The following RPL39L variants were observed in gnomAD, a reference collection of about 807,000 sequenced individuals.
The protein encoded by RPL39L is ribosomal protein L39 like.
For synonymous variants in RPL39L, 16 were observed against 20.1 expected (o/e 0.80, Z 0.55); for missense variants, 48 against 58.9 (o/e 0.81, Z 0.61).
chr3:187,125,412 TG>T (rs1459186958), intron 2 of RPL39L, among the ~76,000 whole-genome samples: 2 of 152,220 alleles, frequency 1.3e-5, no homozygotes, highest in East Asian at 3.9e-4. Flanking sequence ...ACTTAAGAAG[TG>T]TCATGGCTGG....
At chr3:187,134,390 T>C (rs73189770) in intron 1 of RPL39L, among the ~76,000 whole-genome samples, 1,728 of 150,210 alleles carry the variant, frequency 0.012, 14 homozygotes, top group Non-Finnish European at 0.019. Context: ...GGGATGCTGC[T>C]GAACATCCTA....
intron 2 of RPL39L, among the ~76,000 whole-genome samples, chr3:187,126,011 A>C (rs993036107): frequency 6.6e-6 from 1 of 152,206 alleles, no homozygotes; most frequent in Admixed American, 6.5e-5. Context: ...ATAAGGTTAA[A>C]GGTCATAAAA....
rs1417365795 is a variant in RPL39L at position 187,126,455 on chromosome 3, C to A, written c.-29+1544G>T. Among the ~76,000 whole-genome samples the A allele has an allele frequency of 2.0e-5, 3 of 152,116 alleles. No individual in the cohort carries two copies. In the East Asian group the frequency reaches 5.8e-4, roughly 29 times the overall value. On this transcript the variant is annotated intron_variant, in intron 2 of 2. Transcript: ENST00000296277. Reference sequence around the variant, plus strand: ...CTGGGATTACAGGCTTGAGCCACCACGCCCGGCCCATCTATTGCTTTTTAA... The same window carrying A: ...CTGGGATTACAGGCTTGAGCCACCAAGCCCGGCCCATCTATTGCTTTTTAA...
intron 1 of RPL39L, among the ~76,000 whole-genome samples, chr3:187,135,570 AACC>A (rs1327537142): frequency 2.0e-5 from 3 of 152,144 alleles, no homozygotes; most frequent in African/African-American, 7.2e-5. Context: ...AAGCGCAATA[AACC>A]TCCTTCTTTT....
chr3:187,126,164 CTTT>C (rs201902572), intron 2 of RPL39L, among the ~76,000 whole-genome samples: 2 of 140,586 alleles, frequency 1.4e-5, no homozygotes, highest in Non-Finnish European at 1.6e-5. Context: ...CTATTGGTTT[CTTT>C]TTTTTTTTTT....
chr3:187,138,302 A>G (rs1190534000), intron 1 of RPL39L, among the ~76,000 whole-genome samples: 2 of 152,206 alleles, frequency 1.3e-5, no homozygotes, highest in Non-Finnish European at 2.9e-5. Context: ...AGAGCAAGAA[A>G]GTAAGTACAG....
chr3:187,138,748 C>A (rs1264588066), intron 1 of RPL39L, among the ~76,000 whole-genome samples: 2 of 152,112 alleles, frequency 1.3e-5, no homozygotes, highest in African/African-American at 4.8e-5. Flanking sequence ...ACAGGGGGTG[C>A]CTGAGTGGCC....
intron 1 of RPL39L, among the ~76,000 whole-genome samples, chr3:187,134,760 G>A (rs1720546834): frequency 6.6e-6 from 1 of 152,084 alleles, no homozygotes; most frequent in East Asian, 1.9e-4. Flanking sequence ...AAAACTACAG[G>A]CCCAAATGGC....
intron 1 of RPL39L, among the ~76,000 whole-genome samples, chr3:187,137,699 G>C (rs1720608092): frequency 1.3e-5 from 2 of 151,496 alleles, no homozygotes; most frequent in South Asian, 2.1e-4. Flanking sequence ...GGCAGGCACA[G>C]CTACCACAAT....
At chr3:187,132,552 T>A (rs768221681) in intron 1 of RPL39L, among the ~76,000 whole-genome samples, 21 of 152,222 alleles carry the variant, frequency 1.4e-4, no homozygotes, top group Non-Finnish European at 2.5e-4. Flanking sequence ...TTCGGGAATA[T>A]TTCACAAGAA....
intron 2 of RPL39L, among the ~76,000 whole-genome samples, chr3:187,126,761 C>T (rs1240810114): frequency 1.3e-5 from 2 of 152,170 alleles, no homozygotes; most frequent in African/African-American, 2.4e-5. Context: ...AATCCCAGAA[C>T]ATTAGGACCT....
intron 1 of RPL39L, among the ~76,000 whole-genome samples, chr3:187,130,145 A>T (rs1720462207): frequency 6.6e-6 from 1 of 152,206 alleles, no homozygotes; most frequent in Non-Finnish European, 1.5e-5. Context: ...TTTCCTATGT[A>T]TCCTCTTACA....
At chr3:187,135,068 C>T (rs74844010) in intron 1 of RPL39L, among the ~76,000 whole-genome samples, 3,516 of 152,286 alleles carry the variant, frequency 0.023, 66 homozygotes, top group Middle Eastern at 0.054. Flanking sequence ...AAGGCTTTTT[C>T]GCTTAAAGCT....
intron 1 of RPL39L, among the ~76,000 whole-genome samples, chr3:187,131,042 C>A (rs769090689): frequency 2.2e-4 from 34 of 152,332 alleles, no homozygotes; most frequent in Non-Finnish European, 4.6e-4. Flanking sequence ...TTCTCTACAT[C>A]CTTGGTTGGC....
chr3:187,133,476 G>A (rs983424614), intron 1 of RPL39L, among the ~76,000 whole-genome samples: 3 of 152,118 alleles, frequency 2.0e-5, no homozygotes, highest in African/African-American at 7.2e-5. Context: ...ATGTGGAACT[G>A]GTAATTTATA....
At chr3:187,121,862 TCTAA>T (rs1407485469) in intron 2 of RPL39L, among the ~76,000 whole-genome samples, 2 of 152,248 alleles carry the variant, frequency 1.3e-5, no homozygotes, top group East Asian at 3.8e-4. Flanking sequence ...CTACAACTTA[TCTAA>T]CTAATATGTG....
intron 2 of RPL39L, among the ~76,000 whole-genome samples, chr3:187,122,511 T>C (rs988788274): frequency 6.6e-6 from 1 of 152,200 alleles, no homozygotes; most frequent in South Asian, 2.1e-4. Flanking sequence ...CAAGCTATTA[T>C]CTTGGTTTCT....
intron 1 of RPL39L, among the ~76,000 whole-genome samples, chr3:187,133,101 C>T (rs1159284695): frequency 1.3e-5 from 2 of 152,206 alleles, no homozygotes; most frequent in Non-Finnish European, 2.9e-5. Context: ...CACTTTCAGT[C>T]TCTCTTCCAT....
At chr3:187,128,947 T>C (rs1038007223) in intron 1 of RPL39L, among the ~76,000 whole-genome samples, 3 of 152,208 alleles carry the variant, frequency 2.0e-5, no homozygotes, top group Non-Finnish European at 4.4e-5. Flanking sequence ...CTCAGCACTA[T>C]TGTACCTCTT....
Sources: gnomAD v4.1 joint callset for allele counts (sites outside exome capture counted in the v4.1 genomes callset) on GRCh38, gnomAD v4.1.1 for gene constraint, MANE v1.5 for transcripts, NCBI Gene and HGNC (gene_info 2026-07-23, HGNC 2026-07-21) for gene names.